The following CAMK1D variants were observed in gnomAD, a reference collection of about 807,000 sequenced individuals.
CAMK1D encodes the protein calcium/calmodulin dependent protein kinase ID, also known as calcium/calmodulin-dependent protein kinase type 1D.
Under a neutral mutation model 47.7 loss-of-function variants are expected in CAMK1D, and 9 were observed. That is an observed-to-expected ratio of 0.19 (90% CI 0.11 to 0.33). The LOEUF (loss-of-function observed/expected upper bound fraction) is 0.33, where lower values mean the gene tolerates loss of function less well. Ranked by LOEUF, CAMK1D falls within the 10% of genes least tolerant of loss-of-function variation. CAMK1D has a pLI of 1.00. For synonymous variants in CAMK1D, 184 were observed against 184.9 expected (o/e 0.99, Z 0.04); for missense variants, 291 against 488.7 (o/e 0.60, Z 3.81).
At chr10:12,637,900 C>T (rs1314837513) in intron 2 of CAMK1D, among the ~76,000 whole-genome samples, 1 of 152,170 alleles carries the variant, frequency 6.6e-6, no homozygotes, top group Non-Finnish European at 1.5e-5. Flanking sequence ...AAGCTGGCTT[C>T]TCATCTCAGC....
chr10:12,515,111 C>T (rs1255068772), intron 1 of CAMK1D, among the ~76,000 whole-genome samples: 2 of 152,138 alleles, frequency 1.3e-5, no homozygotes, highest in East Asian at 1.9e-4. Context: ...GATCCACCCC[C>T]CTTGGCCTCC....
At chr10:12,436,155 C>G (rs972878497) in intron 1 of CAMK1D, among the ~76,000 whole-genome samples, 4 of 152,208 alleles carry the variant, frequency 2.6e-5, no homozygotes, top group African/African-American at 9.6e-5. Context: ...ATCTGTGACT[C>G]AAGCCTGTCC....
At chr10:12,807,308 G>A (rs946228714) in intron 6 of CAMK1D, among the ~76,000 whole-genome samples, 9 of 152,216 alleles carry the variant, frequency 5.9e-5, no homozygotes, top group African/African-American at 1.9e-4. Flanking sequence ...GCACAGCTTC[G>A]TGTGGAATGA....
intron 1 of CAMK1D, among the ~76,000 whole-genome samples, chr10:12,484,389 A>C (rs1224638348): frequency 1.3e-5 from 2 of 152,228 alleles, no homozygotes; most frequent in Non-Finnish European, 2.9e-5. Context: ...GGGCTAAAAC[A>C]GGAAGAAGAA....
At chr10:12,515,404 TTTTTTTTTTTTTTC>T (rs1309782423) in intron 1 of CAMK1D, among the ~76,000 whole-genome samples, 30 of 59,998 alleles carry the variant, frequency 5.0e-4, no homozygotes, top group South Asian at 1.3e-3. Context: ...TTCCTTTTCT[TTTTTTTTTTTTTTC>T]TTTTTTTTTT....
At position 12,427,700 on chromosome 10, in the gene CAMK1D, G is replaced by GTTTTTTTT. The variant is rs768000055; in HGVS notation, c.92+77808_92+77815dup. 1.6e-3 allele frequency among the ~76,000 whole-genome samples: 50 copies of GTTTTTTTT among 31,030 alleles called. 8 individuals are homozygous for GTTTTTTTT. Among genetic ancestry groups the GTTTTTTTT allele is most frequent in the African/African-American group, 3.5e-3 (33 of 9,396 alleles). The allele number at this position is 31,030 out of a possible 152,430, so 20.4% of individuals were successfully genotyped here. On this transcript the variant is annotated intron_variant, in intron 1 of 10. Transcript: ENST00000619168. The stretch of plus-strand genomic sequence containing the variant: ...CTTTCCTGGCTTCACTGAACTTACT[G>GTTTTTTTT]TTTTTTTTTTTTTTTTTTTTTTTTT...
intron 1 of CAMK1D, among the ~76,000 whole-genome samples, chr10:12,475,090 G>T (rs1230468271): frequency 6.6e-6 from 1 of 152,068 alleles, no homozygotes; most frequent in Non-Finnish European, 1.5e-5. Flanking sequence ...TGGTAGGATG[G>T]TGCACATTCC....
intron 3 of CAMK1D, among the ~76,000 whole-genome samples, chr10:12,716,797 C>T (rs1231901143): frequency 6.6e-6 from 1 of 152,094 alleles, no homozygotes; most frequent in Non-Finnish European, 1.5e-5. Context: ...GCATGCTTAG[C>T]GTGGTGTTCA....
At chr10:12,507,718 G>C (rs567716589) in intron 1 of CAMK1D, among the ~76,000 whole-genome samples, 1 of 152,136 alleles carries the variant, frequency 6.6e-6, no homozygotes, top group Admixed American at 6.5e-5. Flanking sequence ...TCCCTCCCCT[G>C]TTTCTCAGCT....
chr10:12,420,260 T>C (rs867349906), intron 1 of CAMK1D, among the ~76,000 whole-genome samples: 2 of 152,214 alleles, frequency 1.3e-5, no homozygotes, highest in Non-Finnish European at 2.9e-5. Flanking sequence ...GCCTGGCCCA[T>C]GTCTATGTAA....
At chr10:12,494,653 C>T (rs1834483197) in intron 1 of CAMK1D, among the ~76,000 whole-genome samples, 1 of 152,122 alleles carries the variant, frequency 6.6e-6, no homozygotes, top group Admixed American at 6.5e-5. Context: ...CAACCTCTGC[C>T]TCCTGGGTTC....
At chr10:12,534,133 CA>C (rs1835892774) in intron 1 of CAMK1D, among the ~76,000 whole-genome samples, 1 of 152,196 alleles carries the variant, frequency 6.6e-6, no homozygotes, top group South Asian at 2.1e-4. Flanking sequence ...GCTCTTGTAA[CA>C]AACAAACCTC....
chr10:12,791,594 G>A (rs1374196360), intron 6 of CAMK1D, among the ~76,000 whole-genome samples: 1 of 152,198 alleles, frequency 6.6e-6, no homozygotes, highest in African/African-American at 2.4e-5. Context: ...TTTGATGTCA[G>A]GCATATTTTA....
chr10:12,490,599 A>C (rs1834354210), intron 1 of CAMK1D, among the ~76,000 whole-genome samples: 2 of 152,238 alleles, frequency 1.3e-5, no homozygotes, highest in Non-Finnish European at 2.9e-5. Flanking sequence ...CTGTAATCCC[A>C]GCACTTTGGG....
At chr10:12,633,729 A>T (rs1839441566) in intron 2 of CAMK1D, among the ~76,000 whole-genome samples, 1 of 151,334 alleles carries the variant, frequency 6.6e-6, no homozygotes, top group Non-Finnish European at 1.5e-5. Context: ...GCTAATTTTT[A>T]TCTTTTTGGT....
Position 12,483,001 on chromosome 10 carries a change from A to T in CAMK1D, c.93-70224A>T, listed in dbSNP as rs1834109957. ...ACGGTGCTAGCTAAGTGTGCAAAAG[A>T]GATAATATGGTTAGAAAAATACTCA... On this transcript the variant is annotated intron_variant, in intron 1 of 10. Transcript: ENST00000619168. 2.0e-5 allele frequency among the ~76,000 whole-genome samples: 3 copies of T among 152,078 alleles called. No individual in the cohort carries two copies. The South Asian group carries it at 6.2e-4, about 32-fold the overall frequency.
intron 2 of CAMK1D, among the ~76,000 whole-genome samples, chr10:12,602,500 A>G (rs991601262): frequency 1.3e-5 from 2 of 152,186 alleles, no homozygotes; most frequent in South Asian, 2.1e-4. Context: ...CAGGAGCTAT[A>G]TTTGTAGGAG....
intron 2 of CAMK1D, among the ~76,000 whole-genome samples, chr10:12,577,251 G>A (rs1427868717): frequency 4.6e-5 from 7 of 152,208 alleles, no homozygotes; most frequent in South Asian, 2.1e-4. Context: ...GTATGTCGCC[G>A]TGTTGGGTTC....
rs79412133 is a variant in CAMK1D, at chr10:12,474,175, G to C, written c.93-79050G>C. On this transcript the variant is annotated intron_variant, in intron 1 of 10. Transcript: ENST00000619168. ...AGACTGTGTCACCATGTCCCTAACTGCTACCTCTTCAATGAGGATCGTTCT... is the reference window on the plus strand; with the variant it reads ...AGACTGTGTCACCATGTCCCTAACTCCTACCTCTTCAATGAGGATCGTTCT... Among the ~76,000 whole-genome samples, 728 of 150,058 alleles carry C rather than the reference G, an allele frequency of 4.9e-3. 3 individuals carry two copies. The highest frequency in any genetic ancestry group is 0.017 in the African/African-American group (696 of 40,762).
Sources: gnomAD v4.1 joint callset for allele counts (sites outside exome capture counted in the v4.1 genomes callset) on GRCh38, gnomAD v4.1.1 for gene constraint, MANE v1.5 for transcripts, NCBI Gene and HGNC (gene_info 2026-07-23, HGNC 2026-07-21) for gene names.